Variants in SLC3A2 observed in about 807,000 individuals in gnomAD.
SLC3A2 encodes the protein amino acid transporter heavy chain SLC3A2.
Under a neutral mutation model 48.5 loss-of-function variants are expected in SLC3A2, and 32 were observed. The observed-to-expected ratio is 0.66, with a 90% CI of 0.50 to 0.89. The LOEUF is 0.89. SLC3A2 is among the 40% of genes least tolerant of loss of function. SLC3A2 has a pLI of 0.00. For missense variants in SLC3A2, 587 were observed against 680.7 expected (o/e 0.86, Z 1.53); for synonymous variants, 277 against 288.8 (o/e 0.96, Z 0.41).
chr11:62,885,690 G>T, intron 7 of SLC3A2, 82 bp downstream of exon 7: 1 of 1,504,748 alleles, frequency 6.6e-7, no homozygotes. Flanking sequence ...GCACATAGAC[G>T]TGAGCCTTGG....
At chr11:62,875,487 G>C (rs2085561689) in intron 1 of SLC3A2, among the ~76,000 whole-genome samples, 1 of 152,154 alleles carries the variant, frequency 6.6e-6, no homozygotes, top group African/African-American at 2.4e-5. Flanking sequence ...AGTGAGCTGA[G>C]ATCGCACCAC....
rs372155732 is a variant in SLC3A2, at chr11:62,888,724, T to A, written c.*31T>A. Reference sequence around the variant, plus strand: ...GCCTGACATGGACCCACTACCCTTCTCCTTTCCTTCCCAGGCCCTTTGGCT... The same window carrying A: ...GCCTGACATGGACCCACTACCCTTCACCTTTCCTTCCCAGGCCCTTTGGCT... On this transcript the variant is annotated 3_prime_UTR_variant, in exon 9 of 9. Coordinates refer to ENST00000338663, the MANE Select transcript of SLC3A2 (RefSeq NM_001013251.3). 343 of 1,523,682 alleles carry A rather than the reference T, an allele frequency of 2.3e-4. 1 individual carries two copies. The highest frequency in any genetic ancestry group is 2.9e-4 in the Non-Finnish European group (335 of 1,138,606). The allele number at this position is 1,523,682 out of a possible 1,614,324, so 94.4% of individuals were successfully genotyped here. A position where few individuals can be genotyped will look rare whatever the true frequency, so the allele number is the denominator to read the frequency against.
At chr11:62,886,790 C>T (rs921969840) in intron 7 of SLC3A2, among the ~76,000 whole-genome samples, 3 of 152,130 alleles carry the variant, frequency 2.0e-5, no homozygotes, top group African/African-American at 7.2e-5. Context: ...TAGAGACAGG[C>T]TTTCACTGTT....
chr11:62,871,660 G>C, intron 1 of SLC3A2: 1 of 640,648 alleles, frequency 1.6e-6, no homozygotes, highest in South Asian at 1.8e-5. Context: ...CAAGAATGCT[G>C]AGGTTACAGG....
chr11:62,886,734 T>TGGTCTGGGAATACAGGC (rs1326537224), intron 7 of SLC3A2, among the ~76,000 whole-genome samples: 1 of 148,932 alleles, frequency 6.7e-6, no homozygotes, highest in Non-Finnish European at 1.5e-5. Context: ...GGAATACAGG[T>TGGTCTGGGAATACAGGC]GGTCTGGGAA....
chr11:62,859,123 A>G (rs1381857490), intron 1 of SLC3A2, among the ~76,000 whole-genome samples: 1 of 152,066 alleles, frequency 6.6e-6, no homozygotes, highest in Non-Finnish European at 1.5e-5. Flanking sequence ...CATATTTCAG[A>G]CTATCACATG....
intron 1 of SLC3A2, among the ~76,000 whole-genome samples, chr11:62,875,010 G>T (rs1388961153): frequency 1.3e-5 from 2 of 152,028 alleles, no homozygotes; most frequent in African/African-American, 4.8e-5. Context: ...TGATCTGCCC[G>T]CCTCATTCTT....
chr11:62,857,897 GT>G (rs965037325), intron 1 of SLC3A2, among the ~76,000 whole-genome samples: 1 of 151,896 alleles, frequency 6.6e-6, no homozygotes, highest in African/African-American at 2.4e-5. Flanking sequence ...CACAAGCTTG[GT>G]GCTAGAAAAA....
Position 62,881,916 on chromosome 11 carries a change from C to G in SLC3A2, c.448C>G (p.Leu150Val). Residue 150 changes from leucine (L) to valine (V), a missense_variant, in exon 2 of 9, where the codon CTG becomes GTG. Leu to Val is a conservative substitution (Grantham distance 32). Around this residue, in one of 3 missense-constraint regions of SLC3A2, gnomAD observed 409 missense variants for 446.7 expected, o/e 0.92. Transcript: ENST00000338663. This position sits in a 1 kb window ranked among gnomAD's most constrained non-coding sequence, Gnocchi z 4.0. ...LAGLKGRLDY[L>V]SSLKVKGLVL... ...AGGTCTGAAGGGGCGTCTCGATTAC[C>G]TGAGCTCTCTGAAGGTGAAGGGCCT... 1 of 1,614,112 alleles carries G rather than the reference C, an allele frequency of 6.2e-7. No individual in the cohort carries two copies. Among genetic ancestry groups the G allele is most frequent in the Middle Eastern group, 1.7e-4 (1 of 6,058 alleles).
At chr11:62,870,180 CTTAT>C (rs1413212439) in intron 1 of SLC3A2, among the ~76,000 whole-genome samples, 2 of 150,880 alleles carry the variant, frequency 1.3e-5, no homozygotes, top group Admixed American at 6.6e-5. Flanking sequence ...TATTTATTTA[CTTAT>C]TTATTTATTT....
Position 62,881,027 on chromosome 11 carries a change from A to G in SLC3A2, c.4A>G (p.Ser2Gly). ...TGTCGCCGGTTCTGCAGGCACCATG[A>G]GCCAGGACACCGAGGTGGATATGAA... is the stretch of plus-strand genomic sequence containing the variant. MSQDTEVDMKEV... is the reference protein window; with the variant it reads MGQDTEVDMKEV... The change falls in exon 1 of 9, where the codon AGC (serine) becomes GGC (glycine). Residue 2 changes from serine (S) to glycine (G), a missense_variant. By Grantham distance (56) the Ser-to-Gly change is moderately conservative (BLOSUM62 0). Around this residue, in one of 3 missense-constraint regions of SLC3A2, gnomAD observed 409 missense variants for 446.7 expected, o/e 0.92. Coordinates refer to ENST00000338663, the MANE Select transcript of SLC3A2 (RefSeq NM_001013251.3). This position sits in a 1 kb window ranked among gnomAD's most constrained non-coding sequence, Gnocchi z 4.0. The G allele has an allele frequency of 6.4e-7, 1 of 1,568,232 alleles. No individual in the cohort carries two copies. The highest frequency in any genetic ancestry group is 8.7e-7 in the Non-Finnish European group (1 of 1,154,028).
chr11:62,881,556 G>T lies in SLC3A2; in HGVS notation c.424+109G>T. On this transcript the variant is annotated intron_variant, in intron 1 of 8. Transcript: ENST00000338663. This position sits in a 1 kb window ranked among gnomAD's most constrained non-coding sequence, Gnocchi z 4.0. ...TCTAGATGGTTCTTCCCTCCATCCCGTACCGACGACTGTTCCCCCTTCCCC... is the reference window on the plus strand; with the variant it reads ...TCTAGATGGTTCTTCCCTCCATCCCTTACCGACGACTGTTCCCCCTTCCCC... The T allele has an allele frequency of 2.8e-6, 4 of 1,413,764 alleles. No individual in the cohort carries two copies. In the South Asian group the frequency reaches 4.3e-5, roughly 15 times the overall value. The allele number at this position is 1,413,764 out of a possible 1,614,324, so 87.6% of individuals were successfully genotyped here.
chr11:62,886,594 CT>C (rs1034005297), intron 7 of SLC3A2: 145 of 144,094 alleles, frequency 1.0e-3, no homozygotes, highest in Non-Finnish European at 8.3e-4. Flanking sequence ...CCCAGCTGAT[CT>C]TTTTTTTTTT....
chr11:62,874,093 C>T (rs1045983141), intron 1 of SLC3A2, among the ~76,000 whole-genome samples: 5 of 141,798 alleles, frequency 3.5e-5, no homozygotes, highest in East Asian at 4.3e-4. Context: ...GTGCAGGCTG[C>T]GCTTAGTGAT....
chr11:62,882,901 G>T lies in SLC3A2; in HGVS notation c.599-7G>T, dbSNP rs750585468. 1.9e-6 allele frequency: 3 copies of T among 1,612,660 alleles called. No homozygotes were observed. Among genetic ancestry groups the T allele is most frequent in the Non-Finnish European group, 2.5e-6 (3 of 1,178,652 alleles). On this transcript the variant is annotated splice_polypyrimidine_tract_variant and splice_region_variant and intron_variant, in intron 2 of 8. Coordinates refer to ENST00000338663, the MANE Select transcript of SLC3A2 (RefSeq NM_001013251.3). ...TCTCATGATTGCGTCTTCCTCCGTT[G>T]TTTTAGGCATCCGTGTCATTCTGGA...
At chr11:62,857,122 C>G (rs1207551348) in intron 1 of SLC3A2, among the ~76,000 whole-genome samples, 2 of 151,400 alleles carry the variant, frequency 1.3e-5, no homozygotes, top group Non-Finnish European at 2.9e-5. Flanking sequence ...CGCGCCCGGC[C>G]AAACATTTTT....
intron 1 of SLC3A2, among the ~76,000 whole-genome samples, chr11:62,861,086 T>C (rs895259080): frequency 3.9e-5 from 6 of 151,974 alleles, no homozygotes; most frequent in African/African-American, 1.2e-4. Context: ...CCCCACATAA[T>C]CCCAGCACTT....
intron 1 of SLC3A2, among the ~76,000 whole-genome samples, chr11:62,862,522 C>T (rs1168553815): frequency 6.6e-6 from 1 of 151,738 alleles, no homozygotes; most frequent in Non-Finnish European, 1.5e-5. Flanking sequence ...CCTATCGCCA[C>T]CCCTCCCCCA....
chr11:62,871,918 A>G (rs920072804), intron 1 of SLC3A2, among the ~76,000 whole-genome samples: 2 of 151,438 alleles, frequency 1.3e-5, no homozygotes, highest in Non-Finnish European at 2.9e-5. Flanking sequence ...TATTATTATT[A>G]TTATTATTTT....
Sources: gnomAD v4.1 joint callset for allele counts (sites outside exome capture counted in the v4.1 genomes callset) on GRCh38, gnomAD v4.1.1 for gene constraint, gnomAD v4.1.1 regional missense constraint, Gnocchi (gnomAD v3.1) non-coding constraint, MANE v1.5 for transcripts, NCBI Gene and HGNC (gene_info 2026-07-23, HGNC 2026-07-21) for gene names.